Variants in VPS29 observed in about 807,000 individuals in gnomAD.
VPS29 encodes vacuolar protein sorting-associated protein 29.
A neutral mutation model predicts 20.0 loss-of-function variants in VPS29; 2 were observed. That is an observed-to-expected ratio of 0.10 (90% CI 0.04 to 0.31). The LOEUF is 0.31. Ranked by LOEUF, VPS29 falls within the 10% of genes least tolerant of loss-of-function variation. VPS29 has a pLI of 1.00. For synonymous variants in VPS29, 81 were observed against 79.3 expected, an observed-to-expected ratio of 1.02 and a Z score of -0.12; for missense variants, 120 against 215.3, an observed-to-expected ratio of 0.56 and a Z score of 2.77.
intron 1 of VPS29, among the ~76,000 whole-genome samples, chr12:110,500,653 A>G (rs901064868): frequency 1.3e-5 from 2 of 152,208 alleles, no homozygotes; most frequent in African/African-American, 4.8e-5. Context: ...AAAAATAAAA[A>G]AGAATGCAAT....
intron 1 of VPS29, 96 bp from the exon 2 acceptor site, chr12:110,496,299 G>T: frequency 9.1e-7 from 1 of 1,098,434 alleles, no homozygotes; most frequent in Non-Finnish European, 1.3e-6. Context: ...TCTCATAAGA[G>T]ATCCCGAATC....
chr12:110,501,336 C>A, intron 1 of VPS29: 1 of 1,519,428 alleles, frequency 6.6e-7, no homozygotes, highest in Non-Finnish European at 8.8e-7. Context: ...CCAACACCGG[C>A]ACTCTCCCCA....
rs567964303 is a variant in VPS29, at chr12:110,502,038, G to A, written c.3+11C>T. On this transcript the variant is annotated intron_variant, in intron 1 of 3. Transcript: ENST00000549578. ...GAGCCAGGCCTTGGTCGCCGCAACT[G>A]CAGCCCTCACCATCCTGTCACCGGG... 6.2e-6 allele frequency: 10 copies of A among 1,612,664 alleles called. No individual in the cohort carries two copies. Among genetic ancestry groups the A allele is most frequent in the Non-Finnish European group, 8.5e-7 (1 of 1,179,902 alleles).
intron 1 of VPS29, chr12:110,498,990 GTA>G (rs781252475): frequency 6.0e-5 from 14 of 234,750 alleles, no homozygotes; most frequent in Non-Finnish European, 9.1e-5. Context: ...TCATAAAAGG[GTA>G]TATGTCTACA....
intron 1 of VPS29, among the ~76,000 whole-genome samples, chr12:110,498,073 G>A (rs1447685061): frequency 3.4e-5 from 5 of 148,416 alleles, no homozygotes; most frequent in Non-Finnish European, 7.4e-5. Context: ...CCAGGTTCAT[G>A]CAGTTCTCCT....
chr12:110,501,353 T>C lies in VPS29; in HGVS notation c.3+696A>G. 19 of 1,532,104 alleles carry C rather than the reference T, an allele frequency of 1.2e-5. No individual in the cohort carries two copies. In the South Asian group the frequency reaches 1.8e-4, roughly 14 times the overall value. 94.9% of individuals were successfully genotyped at this position (1,532,104 alleles called of 1,614,324 possible). A position where few individuals can be genotyped will look rare whatever the true frequency, so the allele number is the denominator to read the frequency against. The stretch of plus-strand genomic sequence containing the variant: ...AACACCGGCACTCTCCCCAGAAAAA[T>C]GTGTATATTCACAAAAATTTCCCAA... On this transcript the variant is annotated intron_variant, in intron 1 of 3. Coordinates refer to ENST00000549578, the MANE Select transcript of VPS29 (RefSeq NM_016226.5).
chr12:110,493,194 C>T lies in VPS29; in HGVS notation c.233G>A (p.Gly78Glu). 6.4e-7 allele frequency: 1 copy of T among 1,567,504 alleles called. No individual in the cohort carries two copies. Among genetic ancestry groups the T allele is most frequent in the Non-Finnish European group, 8.6e-7 (1 of 1,157,012 alleles). ...ATGGATCAGACCAATTTTGAACTGT[C>T]CAACAGTCACAACTTTCTGTTCTGG... The part of the protein sequence containing the change: ...NYPEQKVVTV[G>E]QFKIGLIHGH... The change falls in exon 3 of 4, where the codon GGA becomes GAA. Residue 78 changes from glycine to glutamate, a missense_variant. By Grantham distance (98) the Gly-to-Glu change is moderately conservative. Coordinates refer to ENST00000549578, the MANE Select transcript of VPS29 (RefSeq NM_016226.5).
In VPS29 at chr12:110,491,774, C is replaced by A; in HGVS notation, c.*231G>T. On this transcript the variant is annotated 3_prime_UTR_variant, in exon 4 of 4. Transcript: ENST00000549578. ...GGATAAATTTTTCTTAACAAGTGAC[C>A]AATTACTGTGTTGTGGACATTTTTT... The A allele has an allele frequency of 2.5e-6, 1 of 393,500 alleles. No individual in the cohort carries two copies. The highest frequency in any genetic ancestry group is 4.5e-6 in the Non-Finnish European group (1 of 222,082). The allele number at this position is 393,500 out of a possible 1,614,324, so 24.4% of individuals were successfully genotyped here.
At position 110,493,195 on chromosome 12, in the gene VPS29, C is replaced by T. The variant is rs1325297884; in HGVS notation, c.232G>A (p.Gly78Arg). Reference sequence around the variant, plus strand: ...TGGATCAGACCAATTTTGAACTGTCCAACAGTCACAACTTTCTGTTCTGGA... The same window carrying T: ...TGGATCAGACCAATTTTGAACTGTCTAACAGTCACAACTTTCTGTTCTGGA... Reference protein sequence around the residue: ...NYPEQKVVTVGQFKIGLIHGH... With the variant: ...NYPEQKVVTVRQFKIGLIHGH... Residue 78 changes from glycine (G) to arginine (R), a missense_variant, in exon 3 of 4, where the codon GGA becomes AGA. Gly to Arg is a moderately radical substitution (Grantham distance 125). Transcript: ENST00000549578. The T allele has an allele frequency of 1.3e-6, 2 of 1,561,492 alleles. No individual in the cohort carries two copies. The highest frequency in any genetic ancestry group is 1.7e-6 in the Non-Finnish European group (2 of 1,154,264).
intron 2 of VPS29, among the ~76,000 whole-genome samples, chr12:110,495,130 G>A (rs1021020507): frequency 1.3e-5 from 2 of 152,046 alleles, no homozygotes; most frequent in African/African-American, 2.4e-5. Flanking sequence ...AAATGCACAC[G>A]GCTGTGTAAG....
chr12:110,499,600 G>T, intron 1 of VPS29: 1 of 1,315,164 alleles, frequency 7.6e-7, no homozygotes, highest in African/African-American at 1.5e-5. Context: ...AAAAAAGGGT[G>T]AAACATGACC....
At chr12:110,494,013 C>A (rs1052467823) in intron 2 of VPS29, among the ~76,000 whole-genome samples, 3 of 152,020 alleles carry the variant, frequency 2.0e-5, no homozygotes, top group Non-Finnish European at 4.4e-5. Flanking sequence ...ACAAACAATC[C>A]TAGAAGGTTC....
intron 2 of VPS29, 110 bp downstream of exon 2, chr12:110,495,902 G>GA (rs796464554): frequency 0.21 from 157,735 of 763,764 alleles, 261 homozygotes; most frequent in East Asian, 0.24. Context: ...AAGAAAAAGG[G>GA]AAAAAAAAAA....
intron 2 of VPS29, 64 bp from the exon 3 acceptor site, chr12:110,493,295 G>T: frequency 8.2e-7 from 1 of 1,215,872 alleles, no homozygotes; most frequent in East Asian, 2.8e-5. Flanking sequence ...AAAAAAATCA[G>T]TTTCCTTAAA....
Position 110,491,641 on chromosome 12 carries a change from T to C in VPS29, c.*364A>G, listed in dbSNP as rs574536958. 7.7e-5 allele frequency: 13 copies of C among 168,462 alleles called. No homozygotes were observed. The South Asian group carries it at 2.0e-3, about 26-fold the overall frequency. 10.4% of individuals were successfully genotyped at this position (168,462 alleles called of 1,614,324 possible). ...TCAAAGTATAAATGAAAGGTAATTGTTTATTACTGGAGAAGAGAAAAATGT... is the reference window on the plus strand; with the variant it reads ...TCAAAGTATAAATGAAAGGTAATTGCTTATTACTGGAGAAGAGAAAAATGT... On this transcript the variant is annotated 3_prime_UTR_variant, in exon 4 of 4. Coordinates refer to ENST00000549578, the MANE Select transcript of VPS29 (RefSeq NM_016226.5).
intron 3 of VPS29, 107 bp downstream of exon 3, chr12:110,492,889 G>GT: frequency 2.0e-6 from 2 of 1,001,944 alleles, no homozygotes; most frequent in Non-Finnish European, 2.9e-6. Context: ...CGAAGTGCTG[G>GT]TATTACAGGC....
At chr12:110,499,612 A>G (rs888326539) in intron 1 of VPS29, 19 of 1,243,194 alleles carry the variant, frequency 1.5e-5, no homozygotes, top group Non-Finnish European at 2.0e-5. Context: ...AACATGACCA[A>G]TGTTAAAAGA....
chr12:110,501,229 G>A (rs1257177136), intron 1 of VPS29, among the ~76,000 whole-genome samples: 1 of 152,070 alleles, frequency 6.6e-6, no homozygotes, highest in Non-Finnish European at 1.5e-5. Context: ...TCTAGTAGAG[G>A]CCCCCAGTTT....
At position 110,492,872 on chromosome 12, in the gene VPS29, G is replaced by A. The variant is rs998084857; in HGVS notation, c.431+124C>T. 6 of 839,136 alleles carry A rather than the reference G, an allele frequency of 7.2e-6. No individual in the cohort carries two copies. In the African/African-American group the frequency reaches 1.0e-4, roughly 14 times the overall value. The allele number at this position is 839,136 out of a possible 1,614,324, so 52.0% of individuals were successfully genotyped here. ...CTCCTGGGCTCAAGCAACCTGCCCT[G>A]GTCTCCCGAAGTGCTGGTATTACAG... On this transcript the variant is annotated intron_variant, in intron 3 of 3. Coordinates refer to ENST00000549578, the MANE Select transcript of VPS29 (RefSeq NM_016226.5).
Sources: gnomAD v4.1 joint callset for allele counts (sites outside exome capture counted in the v4.1 genomes callset) on GRCh38, gnomAD v4.1.1 for gene constraint, MANE v1.5 for transcripts, NCBI Gene and HGNC (gene_info 2026-07-23, HGNC 2026-07-21) for gene names.